CACNA1D: variants seen among roughly 807,000 people sequenced by gnomAD.
CACNA1D encodes calcium voltage-gated channel subunit alpha1 D.
A neutral mutation model predicts 257.1 loss-of-function variants in CACNA1D; 55 were observed. The observed-to-expected ratio is 0.21, with a 90% confidence interval of 0.17 to 0.27. The LOEUF (loss-of-function observed/expected upper bound fraction) is 0.27, where lower values mean the gene tolerates loss of function less well. Among genes scored for constraint, CACNA1D ranks in the 10% least tolerant of loss-of-function variants. CACNA1D has a pLI of 1.00. For synonymous variants in CACNA1D, 980 were observed against 1,014.9 expected (o/e 0.97, Z 0.65); for missense variants, 1,876 against 2,784.0 (o/e 0.67, Z 7.34).
chr3:53,779,140 A>G (rs1252764705), intron 37 of CACNA1D, among the ~76,000 whole-genome samples: 1 of 152,238 alleles, frequency 6.6e-6, no homozygotes, highest in Non-Finnish European at 1.5e-5. Context: ...CTCTAAAAAA[A>G]CATAACAAAA....
intron 2 of CACNA1D, among the ~76,000 whole-genome samples, chr3:53,500,567 G>A (rs1018999232): frequency 6.6e-6 from 1 of 152,184 alleles, no homozygotes; most frequent in Non-Finnish European, 1.5e-5. Context: ...TAAGTACCTT[G>A]AAGTGTTTAG....
At chr3:53,730,145 G>GAC (rs141136553) in intron 15 of CACNA1D, among the ~76,000 whole-genome samples, 144 of 151,782 alleles carry the variant, frequency 9.5e-4, no homozygotes, top group Non-Finnish European at 1.2e-3. Flanking sequence ...TAGATGTTTG[G>GAC]ACACACACAC....
chr3:53,691,163 G>C (rs986144), intron 8 of CACNA1D, among the ~76,000 whole-genome samples: 1 of 134,502 alleles, frequency 7.4e-6, no homozygotes, highest in Non-Finnish European at 1.6e-5. Flanking sequence ...TTTTTTTTTT[G>C]GGGGGGAGAT....
intron 3 of CACNA1D, among the ~76,000 whole-genome samples, chr3:53,630,894 C>T (rs925167668): frequency 6.6e-6 from 1 of 152,154 alleles, no homozygotes; most frequent in Non-Finnish European, 1.5e-5. Flanking sequence ...TATGTCTATA[C>T]TATACTGTAG....
chr3:53,667,989 T>C (rs1165482908), intron 7 of CACNA1D, among the ~76,000 whole-genome samples: 1 of 152,190 alleles, frequency 6.6e-6, no homozygotes, highest in Non-Finnish European at 1.5e-5. Flanking sequence ...AAGCATTCAT[T>C]TTTGCTATTA....
rs3774459 is a variant in CACNA1D at position 53,587,865 on chromosome 3, T to G, written c.484-62914T>G. Among the ~76,000 whole-genome samples, 1,509 of 152,340 alleles carry G rather than the reference T, an allele frequency of 9.9e-3. 37 individuals are homozygous for G. The highest frequency in any genetic ancestry group is 0.095 in the East Asian group (493 of 5,192). ...ACCAACAAATATACTTAATGTTATA[T>G]CCCAGTGATGGTGATCTCAGAACTC... On this transcript the variant is annotated intron_variant, in intron 3 of 47. Transcript: ENST00000350061.
At chr3:53,693,944 C>T (rs2094551003) in intron 8 of CACNA1D, among the ~76,000 whole-genome samples, 1 of 152,196 alleles carries the variant, frequency 6.6e-6, no homozygotes, top group African/African-American at 2.4e-5. Context: ...AATCCTGTAT[C>T]TAAATCAAGA....
At position 53,506,524 on chromosome 3, in the gene CACNA1D, C is replaced by T. The variant is rs541436773; in HGVS notation, c.483+4804C>T. On this transcript the variant is annotated intron_variant, in intron 3 of 47. Coordinates refer to ENST00000350061, the MANE Select transcript of CACNA1D (RefSeq NM_001128840.3). Reference sequence around the variant, plus strand: ...GGGTGTATAGCCTTGTGAACTTAATCCTGTGCCTGGCACACAGGAAGCACA... The same window carrying T: ...GGGTGTATAGCCTTGTGAACTTAATTCTGTGCCTGGCACACAGGAAGCACA... Among the ~76,000 whole-genome samples, 68 of 152,284 alleles carry T rather than the reference C, an allele frequency of 4.5e-4. 1 individual carries two copies. Among genetic ancestry groups the T allele is most frequent in the Admixed American group, 4.3e-3 (66 of 15,302 alleles).
At chr3:53,700,954 C>T (rs964684462) in intron 8 of CACNA1D, among the ~76,000 whole-genome samples, 4 of 150,958 alleles carry the variant, frequency 2.6e-5, no homozygotes, top group Admixed American at 6.6e-5. Flanking sequence ...GCAATCTCAG[C>T]CCGCCGCAAC....
intron 37 of CACNA1D, among the ~76,000 whole-genome samples, chr3:53,777,652 G>A (rs974536268): frequency 6.6e-6 from 1 of 152,156 alleles, no homozygotes; most frequent in Non-Finnish European, 1.5e-5. Flanking sequence ...TGTTCCACAC[G>A]TCCCCTCTGC....
At chr3:53,626,940 G>C (rs1224531172) in intron 3 of CACNA1D, among the ~76,000 whole-genome samples, 1 of 152,196 alleles carries the variant, frequency 6.6e-6, no homozygotes, top group Admixed American at 6.5e-5. Context: ...TAGTAAGGGG[G>C]CGTGGGCTGC....
At chr3:53,726,703 G>T (rs1488339325) in intron 14 of CACNA1D, among the ~76,000 whole-genome samples, 176 bp from the exon 15 acceptor site, 2 of 152,134 alleles carry the variant, frequency 1.3e-5, no homozygotes, top group African/African-American at 4.8e-5. Flanking sequence ...TTATCTATTT[G>T]TGTAATTAAA....
At chr3:53,721,429 A>G (rs914452889) in intron 11 of CACNA1D, among the ~76,000 whole-genome samples, 1 of 152,150 alleles carries the variant, frequency 6.6e-6, no homozygotes, top group Non-Finnish European at 1.5e-5. Context: ...GACTGACTTT[A>G]CCAATTGGCT....
chr3:53,691,792 A>G (rs1462672000), intron 8 of CACNA1D, among the ~76,000 whole-genome samples: 5 of 73,522 alleles, frequency 6.8e-5, no homozygotes, highest in African/African-American at 2.2e-4. Flanking sequence ...TATAATATAT[A>G]TATTACATAT....
rs139268281 is a variant in CACNA1D at position 53,722,327 on chromosome 3, C to T, written c.1519C>T (p.Arg507Cys). The T allele has an allele frequency of 4.3e-5, 70 of 1,614,076 alleles. No individual in the cohort carries two copies. Among genetic ancestry groups the T allele is most frequent in the Non-Finnish European group, 5.4e-5 (64 of 1,180,046 alleles). Reference sequence around the variant, plus strand: ...CTTGTCTTTTAGCCGACGCTGGCGTCGCTGGAACCGATTCAATCGCAGAAG... The same window carrying T: ...CTTGTCTTTTAGCCGACGCTGGCGTTGCTGGAACCGATTCAATCGCAGAAG... ...SKSKLSRRWR[R>C]WNRFNRRRCR... Residue 507 changes from arginine to cysteine, a missense_variant, in exon 12 of 48, where the codon CGC becomes TGC. Transcript: ENST00000350061.
At chr3:53,680,319 T>A (rs1430130105) in intron 8 of CACNA1D, among the ~76,000 whole-genome samples, 5 of 152,040 alleles carry the variant, frequency 3.3e-5, no homozygotes, top group Non-Finnish European at 2.9e-5. Flanking sequence ...TTGTCAGCTG[T>A]GGCTATCATC....
At position 53,800,390 on chromosome 3, in the gene CACNA1D, C is replaced by A; in HGVS notation, c.5040+25C>A. On this transcript the variant is annotated intron_variant, in intron 41 of 47. Transcript: ENST00000350061. This position sits in a 1 kb window ranked among gnomAD's most constrained non-coding sequence, Gnocchi z 4.3. ...AGTAATTATTCCACGCCTAGCTACA[C>A]ACTGGCCATCTGGAAATAGCAGGGC... is the stretch of plus-strand genomic sequence containing the variant. The A allele has an allele frequency of 7.0e-7, 1 of 1,429,856 alleles. No individual in the cohort carries two copies. The highest frequency in any genetic ancestry group is 9.9e-7 in the Non-Finnish European group (1 of 1,011,674). 88.6% of individuals were successfully genotyped at this position (1,429,856 alleles called of 1,614,324 possible).
At chr3:53,612,406 G>C (rs1257806529) in intron 3 of CACNA1D, among the ~76,000 whole-genome samples, 1 of 152,180 alleles carries the variant, frequency 6.6e-6, no homozygotes, top group Non-Finnish European at 1.5e-5. Context: ...AGCGTTGTTA[G>C]GGTGGGTTTA....
At chr3:53,503,131 G>A (rs911221078) in intron 3 of CACNA1D, among the ~76,000 whole-genome samples, 1 of 152,150 alleles carries the variant, frequency 6.6e-6, no homozygotes, top group African/African-American at 2.4e-5. Context: ...CAGATGTAAT[G>A]TGATGTCTAT....
Sources: gnomAD v4.1 joint callset for allele counts (sites outside exome capture counted in the v4.1 genomes callset) on GRCh38, gnomAD v4.1.1 for gene constraint, Gnocchi (gnomAD v3.1) non-coding constraint, MANE v1.5 for transcripts, NCBI Gene and HGNC (gene_info 2026-07-23, HGNC 2026-07-21) for gene names.